The following KLF8 variants were observed in gnomAD, a reference collection of about 807,000 sequenced individuals.
The protein encoded by KLF8 is Krueppel-like factor 8.
A neutral mutation model predicts 18.2 loss-of-function variants in KLF8; 10 were observed. The observed-to-expected ratio is 0.55, with a 90% confidence interval of 0.34 to 0.93. The LOEUF (loss-of-function observed/expected upper bound fraction) is 0.93. Among genes scored for constraint, KLF8 ranks in the 40% least tolerant of loss-of-function variants. KLF8 has a pLI of 0.02. For synonymous variants in KLF8, 109 were observed against 97.3 expected, an observed-to-expected ratio of 1.12 and a Z score of -0.71; for missense variants, 264 against 277.9, an observed-to-expected ratio of 0.95 and a Z score of 0.36.
the KLF8 span, among the ~76,000 whole-genome samples, chrX:56,180,294 G>A: frequency 1.8e-5 from 2 of 111,922 alleles, no homozygotes; most frequent in Non-Finnish European, 3.8e-5. Context: ...TCTGATGGTA[G>A]TTTGTATTTC....
the KLF8 span, among the ~76,000 whole-genome samples, chrX:56,097,851 T>C: frequency 3.7e-5 from 4 of 108,908 alleles, no homozygotes; most frequent in Non-Finnish European, 5.7e-5. Flanking sequence ...ACATCATACA[T>C]AGTGGTGACA....
the KLF8 span, among the ~76,000 whole-genome samples, chrX:56,097,139 G>A: frequency 9.0e-6 from 1 of 111,460 alleles, no homozygotes; most frequent in Non-Finnish European, 1.9e-5. Context: ...TGTGTCTAAT[G>A]CTGATTTAGT....
At chrX:56,182,281 G>T in the KLF8 span, among the ~76,000 whole-genome samples, 14 of 112,303 alleles carry the variant, frequency 1.2e-4, no homozygotes, top group South Asian at 1.5e-3. Context: ...CATTCGTCAC[G>T]TAGTTCTCGT....
At chrX:56,019,073 C>A in the KLF8 span, among the ~76,000 whole-genome samples, 47 of 111,793 alleles carry the variant, frequency 4.2e-4, no homozygotes, top group African/African-American at 1.5e-3. Context: ...TGGGTGGAAT[C>A]CCCATACTGC....
the KLF8 span, among the ~76,000 whole-genome samples, chrX:56,167,702 C>T: frequency 8.9e-6 from 1 of 111,829 alleles, no homozygotes; most frequent in Admixed American, 9.5e-5. Flanking sequence ...CCATGACAGG[C>T]ACTGTGGCTG....
the KLF8 span, among the ~76,000 whole-genome samples, chrX:55,936,883 C>T: frequency 8.0e-5 from 9 of 111,984 alleles, no homozygotes; most frequent in Non-Finnish European, 1.7e-4. Context: ...CCGGGAAACT[C>T]GAACTGGGTG....
At chrX:56,185,922 G>T in the KLF8 span, among the ~76,000 whole-genome samples, 1 of 112,009 alleles carries the variant, frequency 8.9e-6, no homozygotes, top group Non-Finnish European at 1.9e-5. Context: ...GCAAAAACAT[G>T]CCAAATTGTA....
the KLF8 span, among the ~76,000 whole-genome samples, chrX:56,034,866 C>T: frequency 2.9e-5 from 3 of 102,646 alleles, no homozygotes; most frequent in Non-Finnish European, 5.9e-5. Context: ...CGCCATTCTC[C>T]TGCCTCAGCC....
chrX:55,911,612 C>T, the KLF8 span, among the ~76,000 whole-genome samples: 1 of 111,354 alleles, frequency 9.0e-6, no homozygotes, highest in Non-Finnish European at 1.9e-5. Flanking sequence ...ACCTCATTAG[C>T]CTCAGGGAAC....
chrX:55,987,888 C>T, the KLF8 span, among the ~76,000 whole-genome samples: 1 of 111,698 alleles, frequency 9.0e-6, no homozygotes, highest in Non-Finnish European at 1.9e-5. Context: ...TTAACGATCG[C>T]CATTCTAACT....
the KLF8 span, among the ~76,000 whole-genome samples, chrX:56,020,088 G>A: frequency 8.9e-6 from 1 of 111,881 alleles, no homozygotes; most frequent in Non-Finnish European, 1.9e-5. Flanking sequence ...TAGGTGGAAG[G>A]CACAACAAAG....
At chrX:55,974,597 A>T in the KLF8 span, among the ~76,000 whole-genome samples, 1 of 112,440 alleles carries the variant, frequency 8.9e-6, no homozygotes, top group Non-Finnish European at 1.9e-5. Context: ...TCAGATAAAT[A>T]AATATTTGCT....
chrX:55,956,226 T>C, the KLF8 span, among the ~76,000 whole-genome samples: 2 of 110,377 alleles, frequency 1.8e-5, no homozygotes, highest in Non-Finnish European at 3.8e-5. Context: ...TATCTATCTG[T>C]CTATATGCTA....
At chrX:56,057,024 A>G in the KLF8 span, among the ~76,000 whole-genome samples, 4 of 94,928 alleles carry the variant, frequency 4.2e-5, no homozygotes, top group South Asian at 5.9e-4. Flanking sequence ...CACCTGTGAC[A>G]GGGTGCTAAC....
chrX:55,943,801 T>C, the KLF8 span, among the ~76,000 whole-genome samples: 5 of 112,434 alleles, frequency 4.4e-5, no homozygotes, highest in Non-Finnish European at 9.4e-5. Flanking sequence ...AGCTGTCTGC[T>C]TTCCCTTGAG....
the KLF8 span, among the ~76,000 whole-genome samples, chrX:55,956,563 T>C: frequency 8.9e-6 from 1 of 111,762 alleles, no homozygotes; most frequent in East Asian, 2.8e-4. Context: ...TCCTGACCAA[T>C]ACATGCTATT....
At chrX:56,154,903 A>G in the KLF8 span, among the ~76,000 whole-genome samples, 1 of 112,183 alleles carries the variant, frequency 8.9e-6, no homozygotes, top group Non-Finnish European at 1.9e-5. Flanking sequence ...AACCACAATG[A>G]GATACCATCT....
At chrX:55,938,266 A>G in the KLF8 span, among the ~76,000 whole-genome samples, 7 of 111,353 alleles carry the variant, frequency 6.3e-5, no homozygotes, top group Non-Finnish European at 7.5e-5. Flanking sequence ...TTCATATCCA[A>G]CCAAACTAAG....
chrX:55,989,851 T>C, the KLF8 span, among the ~76,000 whole-genome samples: 1 of 111,521 alleles, frequency 9.0e-6, no homozygotes, highest in Admixed American at 9.5e-5. Flanking sequence ...TTTTGGTTGG[T>C]AAGCTATTAA....
Sources: gnomAD v4.1 joint callset for allele counts (sites outside exome capture counted in the v4.1 genomes callset) on GRCh38, gnomAD v4.1.1 for gene constraint, MANE v1.5 for transcripts, NCBI Gene and HGNC (gene_info 2026-07-23, HGNC 2026-07-21) for gene names.